Variants in RPS3 observed in about 807,000 individuals in gnomAD.
RPS3 encodes ribosomal protein S3, also known as small ribosomal subunit protein uS3.
RPS3 carries 2 observed loss-of-function variants against 25.8 expected under a neutral mutation model. The ratio of observed to expected loss-of-function variants is 0.08; its 90% CI spans 0.03 to 0.24. The LOEUF is 0.24. Among genes scored for constraint, RPS3 ranks in the 10% least tolerant of loss-of-function variants. The pLI, the probability that RPS3 is intolerant of heterozygous loss-of-function variation, is 1.00. For synonymous variants in RPS3, 114 were observed against 114.2 expected (o/e 1.00, Z 0.01); for missense variants, 107 against 307.1 (o/e 0.35, Z 4.87).
downstream of RPS3, among the ~76,000 whole-genome samples, chr11:75,410,813 G>A (rs537969451): frequency 3.5e-4 from 54 of 152,236 alleles, 1 homozygote; most frequent in South Asian, 0.01. Context: ...GCAAAACCCC[G>A]TCTCCACCAA....
chr11:75,409,853 C>T (rs1360316403), downstream of RPS3, among the ~76,000 whole-genome samples: 7 of 141,574 alleles, frequency 4.9e-5, no homozygotes, highest in East Asian at 2.1e-4. Flanking sequence ...GGCGGCTGGC[C>T]GGGCAGAGGG....
intron 3 of RPS3, chr11:75,401,939 A>G: frequency 1.7e-6 from 1 of 578,080 alleles, no homozygotes; most frequent in Non-Finnish European, 3.1e-6. Context: ...ACTTGGGTAT[A>G]GAAATGATGC....
chr11:75,418,742 G>C (rs1198756285), intron 6 of RPS3, among the ~76,000 whole-genome samples: 5 of 152,198 alleles, frequency 3.3e-5, no homozygotes, highest in Non-Finnish European at 5.9e-5. Flanking sequence ...TGGAGCCCTA[G>C]TAGCTCTGAA....
At chr11:75,405,027 T>A in intron 6 of RPS3, 159 bp downstream of exon 6, 2 of 528,862 alleles carry the variant, frequency 3.8e-6, no homozygotes, top group Non-Finnish European at 6.7e-6. Flanking sequence ...GGGGTCTATT[T>A]AACCCTTGGT....
intron 6 of RPS3, among the ~76,000 whole-genome samples, chr11:75,412,981 C>A (rs1948369795): frequency 6.6e-6 from 1 of 152,124 alleles, no homozygotes; most frequent in African/African-American, 2.4e-5. Context: ...CCATTTTGGC[C>A]AGGCTGGTCT....
At chr11:75,400,220 G>A (rs971627796) in intron 1 of RPS3, among the ~76,000 whole-genome samples, 1 of 152,188 alleles carries the variant, frequency 6.6e-6, no homozygotes, top group African/African-American at 2.4e-5. Flanking sequence ...AAATAACATG[G>A]CTGGGATTCT....
chr11:75,411,091 T>A (rs1001308616), downstream of RPS3, among the ~76,000 whole-genome samples: 1 of 152,108 alleles, frequency 6.6e-6, no homozygotes, highest in Non-Finnish European at 1.5e-5. Context: ...TTAGCCAGGA[T>A]GGTCTCGATC....
chr11:75,403,958 T>G lies in RPS3; in HGVS notation c.351-62T>G, dbSNP rs1592023583. 2.0e-6 allele frequency: 3 copies of G among 1,502,450 alleles called. No homozygotes were observed. The East Asian group carries it at 6.8e-5, about 34-fold the overall frequency. The allele number at this position is 1,502,450 out of a possible 1,614,324, so 93.1% of individuals were successfully genotyped here. ...CATTGAAAACCAAGTCTTTGTTTTG[T>G]TTTTTAAACTTGGTGGAGGTCCTTG... On this transcript the variant is annotated intron_variant, in intron 4 of 6. Coordinates refer to ENST00000531188, the MANE Select transcript of RPS3 (RefSeq NM_001005.5).
At chr11:75,418,765 C>G (rs1948421411) in intron 6 of RPS3, among the ~76,000 whole-genome samples, 1 of 152,212 alleles carries the variant, frequency 6.6e-6, no homozygotes, top group Non-Finnish European at 1.5e-5. Flanking sequence ...TCAAATGAAG[C>G]CATGCCTCTG....
Position 75,400,139 on chromosome 11 carries a change from T to C in RPS3, c.31-555T>C, listed in dbSNP as rs144743155. Among the ~76,000 whole-genome samples, 701 of 152,318 alleles carry C rather than the reference T, an allele frequency of 4.6e-3. 6 individuals carry two copies. Among genetic ancestry groups the C allele is most frequent in the African/African-American group, 0.016 (664 of 41,556 alleles). ...ACAGTTTGTCATTTCGTATATACAC[T>C]TCGATGTCAAAATTAAATCCACAAC... On this transcript the variant is annotated intron_variant, in intron 1 of 6. Coordinates refer to ENST00000531188, the MANE Select transcript of RPS3 (RefSeq NM_001005.5).
At chr11:75,409,803 C>T (rs1948327040), downstream of RPS3, among the ~76,000 whole-genome samples, 1 of 145,468 alleles carries the variant, frequency 6.9e-6, no homozygotes, top group Non-Finnish European at 1.5e-5. Flanking sequence ...GGGCGGCTGG[C>T]TGGGCGGGGG....
At chr11:75,414,563 A>G (rs1948381664) in intron 6 of RPS3, among the ~76,000 whole-genome samples, 1 of 152,026 alleles carries the variant, frequency 6.6e-6, no homozygotes, top group South Asian at 2.1e-4. Context: ...GTGAGCTGAG[A>G]TCGCGCCACT....
chr11:75,411,240 G>A (rs576641465), downstream of RPS3, among the ~76,000 whole-genome samples: 46 of 152,132 alleles, frequency 3.0e-4, no homozygotes, highest in South Asian at 9.1e-3. Context: ...TTGAACTCTT[G>A]ACCTGAAATG....
intron 1 of RPS3, 70 bp from the exon 2 acceptor site, chr11:75,400,624 C>G: frequency 3.1e-6 from 5 of 1,590,246 alleles, no homozygotes; most frequent in South Asian, 2.2e-5. Flanking sequence ...ACTAATAAGA[C>G]TAGACTGGCT....
At chr11:75,400,885 A>G in intron 2 of RPS3, 61 bp downstream of exon 2, 1 of 1,547,138 alleles carries the variant, frequency 6.5e-7, no homozygotes, top group Non-Finnish European at 8.7e-7. Flanking sequence ...TGGTTTATTT[A>G]TTTATTTATT....
chr11:75,400,742 C>T lies in RPS3; in HGVS notation c.79C>T (p.Arg27Trp). ...FKAELNEFLT[R>W]ELAEDGYSGV... is the part of the protein sequence containing the mutation. The stretch of plus-strand genomic sequence containing the variant: ...AGCTGAACTGAATGAGTTTCTTACT[C>T]GGGAGCTGGCTGAAGATGGCTACTC... The change falls in exon 2 of 7, where the codon CGG becomes TGG. Residue 27 changes from arginine to tryptophan, a missense_variant. By Grantham distance (101) the Arg-to-Trp change is moderately radical. Around this residue, in one of 2 missense-constraint regions of RPS3, gnomAD observed 81 missense variants for 286.8 expected, o/e 0.28. Coordinates refer to ENST00000531188, the MANE Select transcript of RPS3 (RefSeq NM_001005.5). 6.2e-7 allele frequency: 1 copy of T among 1,613,220 alleles called. No homozygotes were observed. Among genetic ancestry groups the T allele is most frequent in the Non-Finnish European group, 8.5e-7 (1 of 1,179,820 alleles).
rs1213949736 is a variant in RPS3, at chr11:75,404,434, A to G, written c.538+227A>G. On this transcript the variant is annotated intron_variant, in intron 5 of 6. Coordinates refer to ENST00000531188, the MANE Select transcript of RPS3 (RefSeq NM_001005.5). This position sits in a 1 kb window ranked among gnomAD's most constrained non-coding sequence, Gnocchi z 4.6. ...CATCTGTGTACCCTTCAGTGATGAC[A>G]CGATGACGAGTCAGAAAGGTCACGT... 1.3e-6 allele frequency: 1 copy of G among 785,286 alleles called. No individual in the cohort carries two copies. Among genetic ancestry groups the G allele is most frequent in the Admixed American group, 1.7e-5 (1 of 58,894 alleles). The allele number at this position is 785,286 out of a possible 1,614,324, so 48.6% of individuals were successfully genotyped here.
At chr11:75,408,850 T>C (rs918887061), downstream of RPS3, among the ~76,000 whole-genome samples, 6 of 152,188 alleles carry the variant, frequency 3.9e-5, no homozygotes, top group Non-Finnish European at 7.3e-5. Context: ...CTTCTACATC[T>C]TTTACAGAAA....
downstream of RPS3, among the ~76,000 whole-genome samples, chr11:75,410,820 C>T (rs1453806394): frequency 6.6e-6 from 1 of 152,084 alleles, no homozygotes; most frequent in East Asian, 1.9e-4. Context: ...CCCGTCTCCA[C>T]CAAAAAAAAA....
Sources: gnomAD v4.1 joint callset for allele counts (sites outside exome capture counted in the v4.1 genomes callset) on GRCh38, gnomAD v4.1.1 for gene constraint, gnomAD v4.1.1 regional missense constraint, Gnocchi (gnomAD v3.1) non-coding constraint, MANE v1.5 for transcripts, NCBI Gene and HGNC (gene_info 2026-07-23, HGNC 2026-07-21) for gene names.